RANBP2: variants seen among roughly 807,000 people sequenced by gnomAD.
RANBP2 encodes RAN binding protein 2.
Under a neutral mutation model 303.6 loss-of-function variants are expected in RANBP2, and 57 were observed. The ratio of observed to expected loss-of-function variants is 0.19; its 90% CI spans 0.15 to 0.23. RANBP2 has a LOEUF of 0.23. Ranked by LOEUF, RANBP2 falls within the 10% of genes least tolerant of loss-of-function variation. The pLI is 1.00. For missense variants in RANBP2, 3,138 were observed against 3,780.8 expected (o/e 0.83, Z 4.46); for synonymous variants, 1,167 against 1,301.5 (o/e 0.90, Z 2.23).
At chr2:108,927,889 G>T in the RANBP2 span, among the ~76,000 whole-genome samples, 9 of 152,088 alleles carry the variant, frequency 5.9e-5, no homozygotes, top group Non-Finnish European at 1.3e-4. Context: ...AGACACCTGA[G>T]TATCCTCTTC....
At chr2:109,229,926 G>T in the RANBP2 span, among the ~76,000 whole-genome samples, 1 of 150,508 alleles carries the variant, frequency 6.6e-6, no homozygotes, top group Admixed American at 6.6e-5. Context: ...CTGGGTTCAC[G>T]CCATTCTCCT....
At chr2:108,984,135 G>C in the RANBP2 span, among the ~76,000 whole-genome samples, 3 of 152,210 alleles carry the variant, frequency 2.0e-5, no homozygotes, top group Admixed American at 2.0e-4. Flanking sequence ...CCTTTGGCAT[G>C]TGTTAACGGC....
the RANBP2 span, among the ~76,000 whole-genome samples, chr2:109,198,367 C>T: frequency 2.0e-5 from 1 of 50,062 alleles, no homozygotes; most frequent in Non-Finnish European, 4.4e-5. Flanking sequence ...CTTGTGACAA[C>T]TTAAACAAAA....
the RANBP2 span, among the ~76,000 whole-genome samples, chr2:109,351,467 T>C: frequency 2.6e-5 from 4 of 152,380 alleles, no homozygotes; most frequent in South Asian, 2.1e-4. Context: ...TTTGAGCAGC[T>C]AACTCTATAT....
chr2:109,400,403 T>C, the RANBP2 span, among the ~76,000 whole-genome samples: 1 of 151,890 alleles, frequency 6.6e-6, no homozygotes, highest in Non-Finnish European at 1.5e-5. Flanking sequence ...CACGCACATA[T>C]ACACATATAC....
chr2:109,078,237 T>TAGC, the RANBP2 span, among the ~76,000 whole-genome samples: 4 of 46,906 alleles, frequency 8.5e-5, no homozygotes, highest in Non-Finnish European at 1.3e-4. Context: ...TGTATATATA[T>TAGC]ATATAGCGTG....
the RANBP2 span, among the ~76,000 whole-genome samples, chr2:109,021,882 C>G: frequency 3.0e-4 from 45 of 152,244 alleles, no homozygotes; most frequent in Middle Eastern, 3.4e-3. Context: ...CTGTGAGGCA[C>G]GATTTTTCAC....
chr2:109,343,575 A>AGCCCCCAT, the RANBP2 span, among the ~76,000 whole-genome samples: 1 of 151,944 alleles, frequency 6.6e-6, no homozygotes, highest in African/African-American at 2.4e-5. Context: ...GCCCCACCTG[A>AGCCCCCAT]GCCCCCATGC....
the RANBP2 span, among the ~76,000 whole-genome samples, chr2:109,056,137 T>A: frequency 6.6e-6 from 1 of 152,066 alleles, no homozygotes; most frequent in African/African-American, 2.4e-5. Flanking sequence ...AAACAGGGGC[T>A]TTGGGTTCTA....
the RANBP2 span, among the ~76,000 whole-genome samples, chr2:109,160,940 G>A: frequency 6.6e-6 from 1 of 152,178 alleles, no homozygotes; most frequent in African/African-American, 2.4e-5. Context: ...CTCAACCAGG[G>A]GTGTGGCTGA....
chr2:109,228,038 A>G, the RANBP2 span, among the ~76,000 whole-genome samples: 23 of 152,168 alleles, frequency 1.5e-4, no homozygotes, highest in East Asian at 4.3e-3. Flanking sequence ...CTTTATTTGT[A>G]GGAAAGTGAT....
the RANBP2 span, chr2:109,574,463 AAAAT>A: frequency 1.6e-6 from 1 of 640,138 alleles, no homozygotes; most frequent in Non-Finnish European, 2.2e-6. Flanking sequence ...AAAAAAAAAA[AAAAT>A]TTAAAAAAGA....
the RANBP2 span, chr2:108,856,806 C>T: frequency 6.2e-7 from 1 of 1,613,034 alleles, no homozygotes; most frequent in Non-Finnish European, 8.5e-7. Context: ...GATTACCTGG[C>T]TCAGGCATTT....
the RANBP2 span, among the ~76,000 whole-genome samples, chr2:109,599,476 A>AG: frequency 9.2e-5 from 14 of 151,752 alleles, no homozygotes; most frequent in African/African-American, 2.4e-4. Context: ...AAAAAAAAAA[A>AG]AGAACTCAAG....
chr2:108,982,486 A>G, the RANBP2 span, among the ~76,000 whole-genome samples: 7 of 152,258 alleles, frequency 4.6e-5, no homozygotes, highest in Admixed American at 3.3e-4. Flanking sequence ...TGTAAACATA[A>G]GGAGGAGCTC....
chr2:108,982,134 A>T, the RANBP2 span, among the ~76,000 whole-genome samples: 6 of 152,254 alleles, frequency 3.9e-5, no homozygotes, highest in Non-Finnish European at 8.8e-5. Flanking sequence ...AATAGGGGCC[A>T]GGTCTTTTAT....
chr2:108,875,497 TGCTA>T, the RANBP2 span, among the ~76,000 whole-genome samples: 1 of 152,140 alleles, frequency 6.6e-6, no homozygotes, highest in African/African-American at 2.4e-5. Flanking sequence ...TTGTCTGTTT[TGCTA>T]GCTGTGAAAA....
chr2:109,041,525 A>T, the RANBP2 span, among the ~76,000 whole-genome samples: 3 of 142,024 alleles, frequency 2.1e-5, no homozygotes, highest in African/African-American at 2.6e-5. Flanking sequence ...ACGGATGTTA[A>T]TTTTTTTTTT....
At chr2:109,104,693 C>T in the RANBP2 span, among the ~76,000 whole-genome samples, 2 of 152,074 alleles carry the variant, frequency 1.3e-5, no homozygotes. Context: ...CCTTGTTAGC[C>T]AGGATGGTCT....
Sources: gnomAD v4.1 joint callset for allele counts (sites outside exome capture counted in the v4.1 genomes callset) on GRCh38, gnomAD v4.1.1 for gene constraint, MANE v1.5 for transcripts, NCBI Gene and HGNC (gene_info 2026-07-23, HGNC 2026-07-21) for gene names.